Variants in DSCAM observed in about 807,000 individuals in gnomAD.
DSCAM encodes the protein cell adhesion molecule DSCAM.
A neutral mutation model predicts 217.7 loss-of-function variants in DSCAM; 47 were observed. The ratio of observed to expected loss-of-function variants is 0.22; its 90% CI spans 0.17 to 0.28. DSCAM has a LOEUF of 0.28. DSCAM is among the 10% of genes least tolerant of loss of function. The pLI, the probability that DSCAM is intolerant of heterozygous loss-of-function variation, is 1.00. For missense variants in DSCAM, 2,080 were observed against 2,618.3 expected, an observed-to-expected ratio of 0.79 and a Z score of 4.49; for synonymous variants, 1,056 against 1,015.3, an observed-to-expected ratio of 1.04 and a Z score of -0.76.
chr21:40,652,870 T>C (rs1296145864), intron 3 of DSCAM, among the ~76,000 whole-genome samples: 1 of 152,166 alleles, frequency 6.6e-6, no homozygotes, highest in Non-Finnish European at 1.5e-5. Context: ...GGCCACGCTG[T>C]GTCAGTTGAA....
chr21:40,475,826 G>C (rs1005609816), intron 3 of DSCAM, among the ~76,000 whole-genome samples: 3 of 147,644 alleles, frequency 2.0e-5, no homozygotes, highest in African/African-American at 7.8e-5. Flanking sequence ...GTAAGACTCT[G>C]TCTTAAATAA....
In DSCAM at chr21:40,097,960, AAGAAAGAAAGAAAG is replaced by A. The variant is rs1568939027; in HGVS notation, c.3697-4100_3697-4087del. On this transcript the variant is annotated intron_variant, in intron 20 of 32. Transcript: ENST00000400454. The stretch of plus-strand genomic sequence containing the variant: ...TGTCTCAAAAAAAAAAAAAAAAAGA[AAGAAAGAAAGAAAG>A]AAAGAAAGAAAGAAAGAAAGAAAGA... Among the ~76,000 whole-genome samples the A allele has an allele frequency of 6.5e-3, 291 of 44,852 alleles. 58 individuals are homozygous for A. Among genetic ancestry groups the A allele is most frequent in the African/African-American group, 0.032 (263 of 8,318 alleles). The allele number at this position is 44,852 out of a possible 152,430, so 29.4% of individuals were successfully genotyped here.
At chr21:40,661,083 T>C (rs994346079) in intron 3 of DSCAM, among the ~76,000 whole-genome samples, 4 of 152,218 alleles carry the variant, frequency 2.6e-5, no homozygotes, top group Admixed American at 1.3e-4. Flanking sequence ...AAATAGAGCA[T>C]TTTGTTACAT....
chr21:40,831,403 T>C (rs2092010997), intron 1 of DSCAM, among the ~76,000 whole-genome samples: 1 of 152,218 alleles, frequency 6.6e-6, no homozygotes, highest in African/African-American at 2.4e-5. Flanking sequence ...TTCTAAACTC[T>C]TTAAGACGCA....
intron 11 of DSCAM, among the ~76,000 whole-genome samples, chr21:40,195,052 T>C (rs2146842896): frequency 1.3e-5 from 2 of 152,326 alleles, no homozygotes; most frequent in South Asian, 4.1e-4. Context: ...AGAGCAATAA[T>C]TAACTTTATC....
chr21:40,769,504 T>A (rs370493086), intron 1 of DSCAM, among the ~76,000 whole-genome samples: 3 of 152,174 alleles, frequency 2.0e-5, no homozygotes, highest in African/African-American at 7.2e-5. Context: ...CCTGCTGTCT[T>A]CACAGTGAGA....
intron 3 of DSCAM, among the ~76,000 whole-genome samples, chr21:40,637,130 A>AATATAT (rs1167157977): frequency 3.7e-5 from 2 of 53,394 alleles, no homozygotes; most frequent in Admixed American, 3.6e-4. Context: ...TATATATATA[A>AATATAT]ATATATAAAT....
At chr21:40,692,707 C>T in intron 3 of DSCAM, 103 bp downstream of exon 3, 1 of 1,377,732 alleles carries the variant, frequency 7.3e-7, no homozygotes, top group Non-Finnish European at 9.9e-7. Context: ...AATACTAATT[C>T]TGAATTATGA....
At chr21:40,485,379 A>G (rs984722923) in intron 3 of DSCAM, among the ~76,000 whole-genome samples, 6 of 151,630 alleles carry the variant, frequency 4.0e-5, no homozygotes, top group African/African-American at 1.5e-4. Flanking sequence ...AGTAGCTGGG[A>G]CTACAGGCGC....
chr21:40,421,086 T>C (rs2837621), intron 3 of DSCAM, among the ~76,000 whole-genome samples: 34,523 of 152,102 alleles, frequency 0.23, 4,881 homozygotes, highest in African/African-American at 0.41. Flanking sequence ...TTCTCACCTA[T>C]ATTTACCATA....
At chr21:40,660,475 C>T (rs2090126958) in intron 3 of DSCAM, among the ~76,000 whole-genome samples, 1 of 152,114 alleles carries the variant, frequency 6.6e-6, no homozygotes, top group Non-Finnish European at 1.5e-5. Flanking sequence ...AAAAATACCT[C>T]AAAAATGAAA....
chr21:40,246,978 G>C (rs919187941), intron 11 of DSCAM, among the ~76,000 whole-genome samples: 2 of 152,132 alleles, frequency 1.3e-5, no homozygotes, highest in African/African-American at 4.8e-5. Context: ...AGCATCATGG[G>C]GCGCAGGGAA....
At chr21:40,528,464 C>T (rs1031366078) in intron 3 of DSCAM, among the ~76,000 whole-genome samples, 5 of 152,028 alleles carry the variant, frequency 3.3e-5, no homozygotes, top group Non-Finnish European at 7.4e-5. Context: ...TAGCCATTGC[C>T]CTGAATTTTC....
chr21:40,404,321 G>C (rs551200952), intron 3 of DSCAM, among the ~76,000 whole-genome samples: 1 of 152,200 alleles, frequency 6.6e-6, no homozygotes, highest in Non-Finnish European at 1.5e-5. Context: ...TGTGAACCAA[G>C]AGGCGGTTGG....
chr21:40,841,859 G>T (rs952030092), intron 1 of DSCAM, among the ~76,000 whole-genome samples: 1 of 152,200 alleles, frequency 6.6e-6, no homozygotes, highest in African/African-American at 2.4e-5. Context: ...CACCTTCTAG[G>T]TTTCTAGATA....
At chr21:40,133,409 G>C (rs1338366280) in intron 19 of DSCAM, among the ~76,000 whole-genome samples, 1 of 152,116 alleles carries the variant, frequency 6.6e-6, no homozygotes, top group African/African-American at 2.4e-5. Context: ...TTATTCTAAA[G>C]TGATTCAGCT....
At chr21:40,227,588 G>A in intron 11 of DSCAM, among the ~76,000 whole-genome samples, 1 of 152,152 alleles carries the variant, frequency 6.6e-6, no homozygotes, top group East Asian at 1.9e-4. Context: ...GTATTTTGAG[G>A]TCTGTAGCTA....
intron 20 of DSCAM, among the ~76,000 whole-genome samples, chr21:40,105,167 C>T (rs2089802469): frequency 6.6e-6 from 1 of 152,144 alleles, no homozygotes; most frequent in Admixed American, 6.5e-5. Flanking sequence ...GCCAAGATTT[C>T]TACCTTGAGT....
intron 1 of DSCAM, among the ~76,000 whole-genome samples, chr21:40,716,693 G>A (rs1334516981): frequency 6.6e-6 from 1 of 152,158 alleles, no homozygotes; most frequent in Non-Finnish European, 1.5e-5. Flanking sequence ...GGTGAAAAGG[G>A]GAGATGTGGG....
Sources: allele counts gnomAD v4.1 joint callset (sites outside exome capture counted in the v4.1 genomes callset), GRCh38; gene constraint gnomAD v4.1.1; transcripts MANE v1.5; gene names NCBI Gene and HGNC (gene_info 2026-07-23, HGNC 2026-07-21).